MTOR: variants seen among roughly 807,000 people sequenced by gnomAD.
MTOR encodes serine/threonine-protein kinase mTOR.
In MTOR, 70 loss-of-function variants were observed where a neutral mutation model predicts 319.8. The ratio of observed to expected loss-of-function variants is 0.22; its 90% CI spans 0.18 to 0.27. The LOEUF is 0.27. Ranked by LOEUF, MTOR falls within the 10% of genes least tolerant of loss-of-function variation. The pLI is 1.00. For synonymous variants in MTOR, 1,183 were observed against 1,211.4 expected, an observed-to-expected ratio of 0.98 and a Z score of 0.49; for missense variants, 1,890 against 3,274.4, an observed-to-expected ratio of 0.58 and a Z score of 10.32.
intron 25 of MTOR, among the ~76,000 whole-genome samples, chr1:11,206,462 C>T (rs958196831): frequency 6.6e-6 from 1 of 152,136 alleles, no homozygotes; most frequent in East Asian, 1.9e-4. Context: ...TCACGGTCCA[C>T]ATCTGTAAAG....
At chr1:11,205,625 G>T (rs1424294330) in intron 25 of MTOR, among the ~76,000 whole-genome samples, 1 of 152,206 alleles carries the variant, frequency 6.6e-6, no homozygotes, top group African/African-American at 2.4e-5. Context: ...CAAATTACTT[G>T]TATTTTGCAG....
rs575842442 is a variant in MTOR at position 11,120,712 on chromosome 1, A to G, written c.6933+534T>C. On this transcript the variant is annotated intron_variant, in intron 49 of 57. Coordinates refer to ENST00000361445, the MANE Select transcript of MTOR (RefSeq NM_004958.4). ...ATGTAACCTATGCACAACCTCCCTTATATTTCAAATCATCTTGGGTACATA... is the reference window on the plus strand; with the variant it reads ...ATGTAACCTATGCACAACCTCCCTTGTATTTCAAATCATCTTGGGTACATA... Among the ~76,000 whole-genome samples, 16 of 152,290 alleles carry G rather than the reference A, an allele frequency of 1.1e-4. 1 individual carries two copies. The highest frequency in any genetic ancestry group is 4.6e-4 in the Admixed American group (7 of 15,292).
chr1:11,121,922 G>A lies in MTOR; in HGVS notation c.6810+57C>T, dbSNP rs17848564. The A allele has an allele frequency of 9.4e-6, 15 of 1,598,876 alleles. No individual in the cohort carries two copies. The East Asian group carries it at 2.0e-4, about 21-fold the overall frequency. On this transcript the variant is annotated intron_variant, in intron 48 of 57. Coordinates refer to ENST00000361445, the MANE Select transcript of MTOR (RefSeq NM_004958.4). The surrounding 1 kb of genome is among the most constrained non-coding windows in gnomAD (Gnocchi z 4.9). Reference sequence around the variant, plus strand: ...TACAGAGAGGAATGAGAAAAGCAGCGCTACGGAGATTCCCTGCCACGGAAG... The same window carrying A: ...TACAGAGAGGAATGAGAAAAGCAGCACTACGGAGATTCCCTGCCACGGAAG...
In MTOR at chr1:11,109,675, G is replaced by A. The variant is rs2100289380; in HGVS notation, c.7421C>T (p.Thr2474Ile). The change falls in exon 55 of 58, where the codon ACA becomes ATA. Residue 2474 changes from threonine (T) to isoleucine (I), a missense_variant. Transcript: ENST00000361445. This position sits in a 1 kb window ranked among gnomAD's most constrained non-coding sequence, Gnocchi z 4.0. The stretch of plus-strand genomic sequence containing the variant: ...GAAAGAATGAATAGATTCTGGCACT[G>A]TGGTCCCCGTTTTCTTATGGGCTGG... ...GEPAHKKTGT[T>I]VPESIHSFIG... 6.2e-7 allele frequency: 1 copy of A among 1,614,164 alleles called. No homozygotes were observed. The highest frequency in any genetic ancestry group is 8.5e-7 in the Non-Finnish European group (1 of 1,180,018).
Position 11,141,305 on chromosome 1 carries a change from GT to G in MTOR, c.4873-1648del, listed in dbSNP as rs374750475. 3.3e-4 allele frequency among the ~76,000 whole-genome samples: 50 copies of G among 152,042 alleles called. No individual in the cohort carries two copies. In the South Asian group the frequency reaches 8.3e-3, roughly 25 times the overall value. On this transcript the variant is annotated intron_variant, in intron 34 of 57. Coordinates refer to ENST00000361445, the MANE Select transcript of MTOR (RefSeq NM_004958.4). ...TTTTTGTATTTTTTGAAGAGATGGG[GT>G]TTTGCCACATTGCCAAGGCCGGTCT...
chr1:11,149,864 C>T lies in MTOR; in HGVS notation c.4570+262G>A, dbSNP rs192122474. Among the ~76,000 whole-genome samples the T allele has an allele frequency of 3.3e-5, 5 of 152,294 alleles. No individual in the cohort carries two copies. The East Asian group carries it at 9.6e-4, about 29-fold the overall frequency. ...GAGTGTGCTAAGTGTGTATTTCTCACCCACTAAATCTCAATTTTGATTTTG... is the reference window on the plus strand; with the variant it reads ...GAGTGTGCTAAGTGTGTATTTCTCATCCACTAAATCTCAATTTTGATTTTG... On this transcript the variant is annotated intron_variant, in intron 31 of 57. Coordinates refer to ENST00000361445, the MANE Select transcript of MTOR (RefSeq NM_004958.4).
intron 28 of MTOR, among the ~76,000 whole-genome samples, chr1:11,183,666 T>C (rs1351812663): frequency 6.6e-6 from 1 of 152,208 alleles, no homozygotes; most frequent in Non-Finnish European, 1.5e-5. Flanking sequence ...TTGCTTATCT[T>C]AGGAAGCCAC....
At chr1:11,189,188 C>T (rs999479030) in intron 28 of MTOR, among the ~76,000 whole-genome samples, 1 of 152,134 alleles carries the variant, frequency 6.6e-6, no homozygotes, top group African/African-American at 2.4e-5. Flanking sequence ...GAAAGACTCG[C>T]CCCATCTCCC....
At chr1:11,210,669 C>T (rs1417470303) in intron 24 of MTOR, 145 bp downstream of exon 24, 1 of 602,870 alleles carries the variant, frequency 1.7e-6, no homozygotes, top group East Asian at 2.8e-5. Context: ...GCAAAAGAGA[C>T]CACATAGTCT....
At chr1:11,161,105 C>T (rs1432693392) in intron 29 of MTOR, among the ~76,000 whole-genome samples, 11 of 152,328 alleles carry the variant, frequency 7.2e-5, no homozygotes, top group South Asian at 2.1e-4. Flanking sequence ...GCTTTTCCAA[C>T]GGTCTTAGCA....
intron 15 of MTOR, chr1:11,233,031 C>A: frequency 1.0e-6 from 1 of 988,252 alleles, no homozygotes; most frequent in Non-Finnish European, 1.6e-6. Flanking sequence ...TCGTCCCATT[C>A]CCCAGTGGAT....
intron 19 of MTOR, among the ~76,000 whole-genome samples, chr1:11,228,175 C>G (rs1285572355): frequency 6.6e-6 from 1 of 151,748 alleles, no homozygotes; most frequent in Admixed American, 6.6e-5. Flanking sequence ...TTTCCTCCCC[C>G]AGGCTATTCA....
intron 19 of MTOR, among the ~76,000 whole-genome samples, chr1:11,221,688 C>G (rs1275449942): frequency 6.8e-6 from 1 of 147,066 alleles, no homozygotes; most frequent in Non-Finnish European, 1.5e-5. Context: ...CTGCAATGAA[C>G]AGAAATATTA....
chr1:11,199,245 G>A lies in MTOR; in HGVS notation c.4253+13C>T, dbSNP rs752946146. The A allele has an allele frequency of 4.3e-6, 7 of 1,614,062 alleles. No individual in the cohort carries two copies. In the East Asian group the frequency reaches 8.9e-5, roughly 21 times the overall value. The stretch of plus-strand genomic sequence containing the variant: ...TGCATGAAGGCAGCAATTAAAAAGG[G>A]TTTATGGCCTACCTGATGAGAGATT... On this transcript the variant is annotated intron_variant, in intron 28 of 57. Coordinates refer to ENST00000361445, the MANE Select transcript of MTOR (RefSeq NM_004958.4). The surrounding 1 kb of genome is among the most constrained non-coding windows in gnomAD (Gnocchi z 4.5).
chr1:11,251,735 C>T (rs566050029), intron 6 of MTOR, among the ~76,000 whole-genome samples: 4 of 150,460 alleles, frequency 2.7e-5, no homozygotes. Context: ...CAAACTCCCA[C>T]CTCGGTCTCC....
intron 14 of MTOR, among the ~76,000 whole-genome samples, 175 bp from the exon 15 acceptor site, chr1:11,233,662 G>A (rs528724803): frequency 6.6e-6 from 1 of 152,194 alleles, no homozygotes; most frequent in Admixed American, 6.5e-5. Flanking sequence ...TCCATATGAA[G>A]TCTAAGTCTG....
At chr1:11,238,123 C>A in intron 12 of MTOR, 75 bp from the exon 13 acceptor site, 1 of 1,402,780 alleles carries the variant, frequency 7.1e-7, no homozygotes, top group South Asian at 1.2e-5. Flanking sequence ...TCTACCTCCA[C>A]TGCCATCAGC....
At chr1:11,233,237 A>C in intron 15 of MTOR, 161 bp downstream of exon 15, 1 of 818,340 alleles carries the variant, frequency 1.2e-6, no homozygotes, top group Non-Finnish European at 2.0e-6. Flanking sequence ...TTGAGAATAT[A>C]TTATTTCTCT....
Position 11,129,880 on chromosome 1 carries a change from T to C in MTOR, c.5614-42A>G. 1 of 1,566,146 alleles carries C rather than the reference T, an allele frequency of 6.4e-7. No homozygotes were observed. The highest frequency in any genetic ancestry group is 8.8e-7 in the Non-Finnish European group (1 of 1,137,566). On this transcript the variant is annotated intron_variant, in intron 39 of 57. Coordinates refer to ENST00000361445, the MANE Select transcript of MTOR (RefSeq NM_004958.4). This position sits in a 1 kb window ranked among gnomAD's most constrained non-coding sequence, Gnocchi z 4.7. The stretch of plus-strand genomic sequence containing the variant: ...GTGTTAGCGACACTCTTGCCTCTGC[T>C]TTCTCATCTGTAAAATGGGCATAAG...
Sources: gnomAD v4.1 joint callset for allele counts (sites outside exome capture counted in the v4.1 genomes callset) on GRCh38, gnomAD v4.1.1 for gene constraint, Gnocchi (gnomAD v3.1) non-coding constraint, MANE v1.5 for transcripts, NCBI Gene and HGNC (gene_info 2026-07-23, HGNC 2026-07-21) for gene names.